Variants in WDPCP observed in about 807,000 individuals in gnomAD.
The protein encoded by WDPCP is WD repeat-containing and planar cell polarity effector protein fritz homolog.
Under a neutral mutation model 93.1 loss-of-function variants are expected in WDPCP, and 71 were observed. That is an observed-to-expected ratio of 0.76 (90% CI 0.63 to 0.93). The LOEUF (loss-of-function observed/expected upper bound fraction) is 0.93, where lower values mean the gene tolerates loss of function less well. Ranked by LOEUF, WDPCP falls within the 40% of genes least tolerant of loss-of-function variation. The pLI, the probability that WDPCP is intolerant of heterozygous loss-of-function variation, is 0.00. For missense variants in WDPCP, 844 were observed against 887.4 expected, an observed-to-expected ratio of 0.95 and a Z score of 0.62; for synonymous variants, 315 against 315.0, an observed-to-expected ratio of 1.00 and a Z score of 0.00.
intron 13 of WDPCP, among the ~76,000 whole-genome samples, chr2:63,295,415 A>G (rs1195202231): frequency 6.6e-6 from 1 of 152,068 alleles, no homozygotes; most frequent in East Asian, 1.9e-4. Flanking sequence ...CAAAGACTCT[A>G]ATAGATTAAA....
chr2:63,138,069 A>ATTT (rs34667163), intron 17 of WDPCP, among the ~76,000 whole-genome samples: 2,254 of 117,022 alleles, frequency 0.019, 91 homozygotes, highest in East Asian at 0.086. Context: ...GTTCCATATG[A>ATTT]TTTTTTTTTT....
At chr2:63,188,987 C>T (rs1674841096) in intron 14 of WDPCP, among the ~76,000 whole-genome samples, 1 of 152,158 alleles carries the variant, frequency 6.6e-6, no homozygotes, top group Admixed American at 6.5e-5. Flanking sequence ...TAAGACCTCT[C>T]AGATTTTTCC....
At chr2:63,690,181 A>G (rs1220264118) in intron 2 of WDPCP, among the ~76,000 whole-genome samples, 1 of 152,224 alleles carries the variant, frequency 6.6e-6, no homozygotes, top group Non-Finnish European at 1.5e-5. Context: ...CACTTCTAAC[A>G]GGTTATTTTA....
intron 15 of WDPCP, among the ~76,000 whole-genome samples, chr2:63,172,171 T>G (rs1226188701): frequency 6.6e-6 from 1 of 152,160 alleles, no homozygotes; most frequent in African/African-American, 2.4e-5. Context: ...TTACAATGGG[T>G]GAATTTATGG....
intron 1 of WDPCP, among the ~76,000 whole-genome samples, chr2:63,548,526 G>C (rs1558790200): frequency 1.3e-5 from 2 of 152,144 alleles, no homozygotes; most frequent in Non-Finnish European, 2.9e-5. Flanking sequence ...CAATTGGCAT[G>C]TAGAGAACAC....
At chr2:63,142,891 T>TATACACAC (rs1671194772) in intron 17 of WDPCP, among the ~76,000 whole-genome samples, 1 of 149,420 alleles carries the variant, frequency 6.7e-6, no homozygotes, top group Non-Finnish European at 1.5e-5. Context: ...CACATACATA[T>TATACACAC]ATACACACAT....
intron 13 of WDPCP, among the ~76,000 whole-genome samples, chr2:63,295,107 T>C (rs913803602): frequency 6.6e-6 from 1 of 152,122 alleles, no homozygotes; most frequent in African/African-American, 2.4e-5. Context: ...CTTTAGGATA[T>C]TTAAATGTAA....
intron 3 of WDPCP, chr2:63,599,203 T>G: frequency 6.2e-7 from 1 of 1,613,832 alleles, no homozygotes; most frequent in East Asian, 2.2e-5. Context: ...CAATACCAAC[T>G]GCCTGACTGC....
chr2:63,360,436 A>C (rs1361667463), intron 12 of WDPCP, among the ~76,000 whole-genome samples: 1 of 152,054 alleles, frequency 6.6e-6, no homozygotes, highest in African/African-American at 2.4e-5. Context: ...AATTCTCTAG[A>C]TTCTTTCAAT....
intron 10 of WDPCP, among the ~76,000 whole-genome samples, chr2:63,384,100 T>A (rs1335344628): frequency 2.0e-5 from 3 of 151,944 alleles, no homozygotes; most frequent in Non-Finnish European, 4.4e-5. Context: ...AAGAAAAAAA[T>A]GTCACAAAGT....
intron 1 of WDPCP, among the ~76,000 whole-genome samples, chr2:63,535,702 A>G (rs1704222861): frequency 6.6e-6 from 1 of 152,356 alleles, no homozygotes; most frequent in East Asian, 1.9e-4. Flanking sequence ...ACTTTATACA[A>G]AAATTAATTC....
At chr2:63,789,399 T>C (rs1200149834) in intron 2 of WDPCP, among the ~76,000 whole-genome samples, 2 of 152,160 alleles carry the variant, frequency 1.3e-5, no homozygotes, top group Non-Finnish European at 2.9e-5. Flanking sequence ...GCTCAGAACC[T>C]GGCAAATTAG....
At chr2:63,734,906 C>T (rs11125984) in intron 2 of WDPCP, among the ~76,000 whole-genome samples, 12,050 of 147,950 alleles carry the variant, frequency 0.081, 1,140 homozygotes, top group African/African-American at 0.22. Context: ...GACAGACAGA[C>T]AGATAGATAG....
At chr2:63,750,548 A>C (rs917132489) in intron 2 of WDPCP, among the ~76,000 whole-genome samples, 1 of 152,036 alleles carries the variant, frequency 6.6e-6, no homozygotes, top group Non-Finnish European at 1.5e-5. Flanking sequence ...TGTTGAGTAC[A>C]AGTTGTAAGG....
Position 63,439,852 on chromosome 2 carries a change from A to G in WDPCP, c.404T>C (p.Val135Ala). The change falls in exon 7 of 18, where the codon GTG (valine) becomes GCG (alanine). Residue 135 changes from valine (V) to alanine (A), a missense_variant. By Grantham distance (64) the Val-to-Ala change is moderately conservative. Transcript: ENST00000272321. ...YVCQLLFGSG[V>A]LVSLSLSGPQ... is the part of the protein sequence containing the mutation. Reference sequence around the variant, plus strand: ...CCCAGAAAGGCTTAGAGACACCAGCACACCTGAACCAAAAAGGAGCTAAAA... The same window carrying G: ...CCCAGAAAGGCTTAGAGACACCAGCGCACCTGAACCAAAAAGGAGCTAAAA... 6.2e-7 allele frequency: 1 copy of G among 1,613,248 alleles called. No homozygotes were observed. Among genetic ancestry groups the G allele is most frequent in the Non-Finnish European group, 8.5e-7 (1 of 1,179,376 alleles).
intron 3 of WDPCP, among the ~76,000 whole-genome samples, chr2:63,645,945 T>G (rs1246655399): frequency 1.3e-5 from 2 of 152,190 alleles, no homozygotes; most frequent in African/African-American, 4.8e-5. Flanking sequence ...TTCTTGTTTT[T>G]CACCCATTCA....
At chr2:63,426,928 C>T (rs537436778) in intron 9 of WDPCP, among the ~76,000 whole-genome samples, 3 of 152,098 alleles carry the variant, frequency 2.0e-5, no homozygotes, top group African/African-American at 7.2e-5. Context: ...AAAAAAGAGC[C>T]GGGGCCACTA....
intron 14 of WDPCP, among the ~76,000 whole-genome samples, chr2:63,210,826 C>T (rs1234811189): frequency 6.6e-6 from 1 of 152,224 alleles, no homozygotes; most frequent in Non-Finnish European, 1.5e-5. Flanking sequence ...CCTGGATTGG[C>T]AGGTCCCATG....
chr2:63,451,383 G>C (rs1399258653), intron 6 of WDPCP, among the ~76,000 whole-genome samples: 1 of 152,130 alleles, frequency 6.6e-6, no homozygotes, highest in Non-Finnish European at 1.5e-5. Flanking sequence ...ACCCTTCCAA[G>C]ACTAAACCAG....
Sources: allele counts gnomAD v4.1 joint callset (sites outside exome capture counted in the v4.1 genomes callset), GRCh38; gene constraint gnomAD v4.1.1; transcripts MANE v1.5; gene names NCBI Gene and HGNC (gene_info 2026-07-23, HGNC 2026-07-21).